RNF185: variants seen among roughly 807,000 people sequenced by gnomAD.
RNF185 encodes ring finger protein 185.
Under a neutral mutation model 24.9 loss-of-function variants are expected in RNF185, and 13 were observed. The ratio of observed to expected loss-of-function variants is 0.52; its 90% confidence interval spans 0.34 to 0.83. The LOEUF (loss-of-function observed/expected upper bound fraction) is 0.83. Among genes scored for constraint, RNF185 ranks in the 40% least tolerant of loss-of-function variants. The pLI, the probability that RNF185 is intolerant of heterozygous loss-of-function variation, is 0.01. For synonymous variants in RNF185, 79 were observed against 90.3 expected (o/e 0.88, Z 0.71); for missense variants, 184 against 244.7 (o/e 0.75, Z 1.65).
chr22:31,170,673 G>A (rs1004896992), intron 1 of RNF185, among the ~76,000 whole-genome samples: 1 of 151,772 alleles, frequency 6.6e-6, no homozygotes. Flanking sequence ...ACCACACCCA[G>A]CTAATTTGTA....
chr22:31,178,678 A>T (rs2048005921), intron 1 of RNF185, among the ~76,000 whole-genome samples: 1 of 152,198 alleles, frequency 6.6e-6, no homozygotes, highest in African/African-American at 2.4e-5. Flanking sequence ...CCAAGACCTC[A>T]ACTTGGTCTT....
intron 1 of RNF185, among the ~76,000 whole-genome samples, chr22:31,180,203 G>T (rs893635398): frequency 6.6e-6 from 1 of 152,058 alleles, no homozygotes; most frequent in African/African-American, 2.4e-5. Context: ...TGGCTCACAC[G>T]TGTAATCCCA....
chr22:31,186,729 G>A (rs1233017202), intron 1 of RNF185, among the ~76,000 whole-genome samples: 1 of 152,178 alleles, frequency 6.6e-6, no homozygotes. Flanking sequence ...TTGTCACCTG[G>A]GTTGATTGTC....
At chr22:31,194,282 T>C (rs565002930) in intron 3 of RNF185, among the ~76,000 whole-genome samples, 76 of 152,112 alleles carry the variant, frequency 5.0e-4, no homozygotes, top group Non-Finnish European at 7.4e-4. Context: ...AATAGGTGAA[T>C]GCAAAAAATC....
chr22:31,182,066 AAC>A (rs968875017), intron 1 of RNF185, among the ~76,000 whole-genome samples: 24 of 151,030 alleles, frequency 1.6e-4, no homozygotes, highest in Non-Finnish European at 2.2e-4. Flanking sequence ...TAAAAAAAAA[AAC>A]ACAATATCAT....
intron 6 of RNF185, 145 bp from the exon 7 acceptor site, chr22:31,204,342 CAA>C (rs3068175): frequency 9.0e-3 from 4,097 of 455,320 alleles, no homozygotes; most frequent in South Asian, 0.011. Flanking sequence ...GACTACATTT[CAA>C]AAAAAAAAAA....
At chr22:31,187,876 G>C (rs2048114998) in intron 2 of RNF185, among the ~76,000 whole-genome samples, 1 of 152,012 alleles carries the variant, frequency 6.6e-6, no homozygotes, top group South Asian at 2.1e-4. Context: ...AGCCCTTTCT[G>C]GCTCTGAGAA....
chr22:31,160,792 T>G lies in RNF185; in HGVS notation c.-49+489T>G, dbSNP rs183015512. 3.3e-4 allele frequency among the ~76,000 whole-genome samples: 51 copies of G among 152,324 alleles called. No homozygotes were observed. The South Asian group carries it at 3.9e-3, about 12-fold the overall frequency. On this transcript the variant is annotated intron_variant, in intron 1 of 6. Transcript: ENST00000326132. Reference sequence around the variant, plus strand: ...TCTCGTCTCTAAAACGGGGCAGTGTTTTTCAAAATATGGTTCTTACACCAT... The same window carrying G: ...TCTCGTCTCTAAAACGGGGCAGTGTGTTTCAAAATATGGTTCTTACACCAT...
At chr22:31,192,636 C>G (rs2147953923) in intron 2 of RNF185, 48 bp from the exon 3 acceptor site, 4 of 1,585,482 alleles carry the variant, frequency 2.5e-6, no homozygotes, top group Non-Finnish European at 3.5e-6. Context: ...CTTCCTTTCC[C>G]CTTTTCTCCT....
chr22:31,169,910 T>C (rs1028077517), intron 1 of RNF185, among the ~76,000 whole-genome samples: 5 of 152,176 alleles, frequency 3.3e-5, no homozygotes, highest in African/African-American at 4.8e-5. Flanking sequence ...CTTCATTTCA[T>C]TGGTCGTTGG....
chr22:31,190,832 G>T (rs902211893), intron 2 of RNF185, among the ~76,000 whole-genome samples: 7 of 151,018 alleles, frequency 4.6e-5, no homozygotes, highest in Admixed American at 1.3e-4. Flanking sequence ...TCGAACTCCT[G>T]ACCTCAAATA....
intron 1 of RNF185, among the ~76,000 whole-genome samples, chr22:31,166,811 A>G (rs1346493943): frequency 6.6e-6 from 1 of 151,892 alleles, no homozygotes; most frequent in African/African-American, 2.4e-5. Context: ...CACCATGCCC[A>G]GCTAATTTTT....
chr22:31,172,985 A>G (rs1323278217), intron 1 of RNF185, among the ~76,000 whole-genome samples: 1 of 152,038 alleles, frequency 6.6e-6, no homozygotes, highest in Non-Finnish European at 1.5e-5. Flanking sequence ...TTAAAACACT[A>G]TTTTCCTCAG....
intron 1 of RNF185, among the ~76,000 whole-genome samples, chr22:31,168,133 T>C (rs1034808213): frequency 6.6e-6 from 1 of 152,202 alleles, no homozygotes; most frequent in Non-Finnish European, 1.5e-5. Flanking sequence ...CTATTCCACT[T>C]TCTGTCTCTA....
intron 3 of RNF185, 38 bp downstream of exon 3, chr22:31,192,740 T>C (rs2048168015): frequency 1.2e-6 from 2 of 1,606,090 alleles, no homozygotes; most frequent in African/African-American, 1.3e-5. Context: ...TTTCATCAGC[T>C]CTGGTTGCAC....
chr22:31,189,403 T>C (rs1250380524), intron 2 of RNF185, among the ~76,000 whole-genome samples: 1 of 142,244 alleles, frequency 7.0e-6, no homozygotes, highest in African/African-American at 2.6e-5. Flanking sequence ...GTGGTTCTCC[T>C]GTCTCAGCCT....
chr22:31,173,418 C>CACACACAG (rs1003449152), intron 1 of RNF185, among the ~76,000 whole-genome samples: 1 of 150,596 alleles, frequency 6.6e-6, no homozygotes, highest in Non-Finnish European at 1.5e-5. Flanking sequence ...CACACACAGA[C>CACACACAG]ACACACACAC....
rs559493936 is a variant in RNF185 at position 31,165,687 on chromosome 22, C to T, written c.-49+5384C>T. ...CATGTGGAGTTGGAGTGGCCATGGG[C>T]AAGTGAAAGGAAGGGTACTATTTGC... On this transcript the variant is annotated intron_variant, in intron 1 of 6. Transcript: ENST00000326132. Among the ~76,000 whole-genome samples the T allele has an allele frequency of 6.6e-5, 10 of 152,278 alleles. No homozygotes were observed. The East Asian group carries it at 1.5e-3, about 24-fold the overall frequency.
chr22:31,193,533 C>T (rs1049265259), intron 3 of RNF185, among the ~76,000 whole-genome samples: 13 of 152,146 alleles, frequency 8.5e-5, no homozygotes, highest in African/African-American at 2.9e-4. Flanking sequence ...GTGGCTCACA[C>T]CTATAATTCC....
Sources: allele counts gnomAD v4.1 joint callset (sites outside exome capture counted in the v4.1 genomes callset), GRCh38; gene constraint gnomAD v4.1.1; transcripts MANE v1.5; gene names NCBI Gene and HGNC (gene_info 2026-07-23, HGNC 2026-07-21).